The following ULK4 variants were observed in gnomAD, a reference collection of about 807,000 sequenced individuals.
ULK4 encodes the protein inactive serine/threonine-protein kinase ULK4.
In ULK4, 133 loss-of-function variants were observed where a neutral mutation model predicts 160.6. That is an observed-to-expected ratio of 0.83 (90% CI 0.72 to 0.96). The LOEUF (loss-of-function observed/expected upper bound fraction) is 0.96, where lower values mean the gene tolerates loss of function less well. Ranked by LOEUF, ULK4 falls within the 40% of genes least tolerant of loss-of-function variation. ULK4 has a pLI of 0.00. For missense variants in ULK4, 1,580 were observed against 1,499.5 expected (o/e 1.05, Z -0.89); for synonymous variants, 534 against 539.8 (o/e 0.99, Z 0.15).
chr3:41,916,547 CCTGA>C (rs10541304), intron 7 of ULK4, among the ~76,000 whole-genome samples: 4,374 of 152,090 alleles, frequency 0.029, 203 homozygotes, highest in African/African-American at 0.1. Context: ...CACTACCATG[CCTGA>C]CTAATTTTTG....
At position 41,575,864 on chromosome 3, in the gene ULK4, CTT is replaced by C. The variant is rs1285166400; in HGVS notation, c.3121-9736_3121-9735del. 5.2e-3 allele frequency among the ~76,000 whole-genome samples: 154 copies of C among 29,896 alleles called. 1 individual carries two copies. The Middle Eastern group carries it at 0.16, about 30-fold the overall frequency. 19.6% of individuals were successfully genotyped at this position (29,896 alleles called of 152,430 possible). A position where few individuals can be genotyped will look rare whatever the true frequency, so the allele number is the denominator to read the frequency against. On this transcript the variant is annotated intron_variant, in intron 31 of 36. Transcript: ENST00000301831. ...ATGTTATTTAGGCTTTAGCAGGAAG[CTT>C]CCATCCATCCTCTTGGCTCTCAATG... is the stretch of plus-strand genomic sequence containing the variant.
intron 17 of ULK4, among the ~76,000 whole-genome samples, chr3:41,860,789 C>T (rs1308072034): frequency 1.3e-5 from 2 of 148,512 alleles, no homozygotes; most frequent in Non-Finnish European, 3.0e-5. Flanking sequence ...TTGTGATCTT[C>T]TCTTCCTTCT....
rs1168249382 is a variant in ULK4, at chr3:41,300,836, A to ATT, written c.3679-51264_3679-51263dup. On this transcript the variant is annotated intron_variant, in intron 35 of 36. Transcript: ENST00000301831. ...TGATTAAATTTTGATCATTTTACAGATTATATATATATATATATATATATA... is the reference window on the plus strand; with the variant it reads ...TGATTAAATTTTGATCATTTTACAGATTTTATATATATATATATATATATATA... Among the ~76,000 whole-genome samples the ATT allele has an allele frequency of 2.3e-4, 18 of 79,460 alleles. 1 individual carries two copies. Among genetic ancestry groups the ATT allele is most frequent in the African/African-American group, 9.2e-4 (17 of 18,546 alleles). 52.1% of individuals were successfully genotyped at this position (79,460 alleles called of 152,430 possible). A position where few individuals can be genotyped will look rare whatever the true frequency, so the allele number is the denominator to read the frequency against.
intron 32 of ULK4, among the ~76,000 whole-genome samples, chr3:41,479,708 C>T (rs773148466): frequency 1.3e-5 from 2 of 152,086 alleles, no homozygotes; most frequent in Non-Finnish European, 2.9e-5. Context: ...AGTAGAGAGA[C>T]GTGGCATGCA....
chr3:41,952,835 C>T lies in ULK4; in HGVS notation c.138+1787G>A, dbSNP rs547795682. The stretch of plus-strand genomic sequence containing the variant: ...TTGTGTCCACTGTTACATAAATAAG[C>T]AAAATGCGCTTTATATATGTACAAT... On this transcript the variant is annotated intron_variant, in intron 2 of 36. Coordinates refer to ENST00000301831, the MANE Select transcript of ULK4 (RefSeq NM_017886.4). 6.6e-5 allele frequency among the ~76,000 whole-genome samples: 10 copies of T among 152,154 alleles called. No individual in the cohort carries two copies. The South Asian group carries it at 2.1e-3, about 32-fold the overall frequency.
At chr3:41,309,313 C>T (rs1231936146) in intron 35 of ULK4, among the ~76,000 whole-genome samples, 2 of 151,856 alleles carry the variant, frequency 1.3e-5, no homozygotes, top group Admixed American at 1.3e-4. Context: ...AACTGTAGAA[C>T]AACAAAGATA....
chr3:41,466,341 A>C (rs1046812488), intron 32 of ULK4, among the ~76,000 whole-genome samples: 5 of 152,156 alleles, frequency 3.3e-5, no homozygotes, highest in African/African-American at 1.2e-4. Context: ...AAGAAAAATG[A>C]GTTCATACAG....
At chr3:41,455,880 T>C (rs1396031554) in intron 33 of ULK4, among the ~76,000 whole-genome samples, 1 of 152,138 alleles carries the variant, frequency 6.6e-6, no homozygotes, top group Non-Finnish European at 1.5e-5. Context: ...ATAATGGTGA[T>C]GTCCCATATA....
At chr3:41,775,201 C>T (rs1575687716) in intron 21 of ULK4, among the ~76,000 whole-genome samples, 3 of 149,554 alleles carry the variant, frequency 2.0e-5, no homozygotes, top group South Asian at 4.2e-4. Flanking sequence ...TGCACATGTA[C>T]CCTAAAAGTA....
intron 34 of ULK4, among the ~76,000 whole-genome samples, chr3:41,409,107 T>A (rs947711988): frequency 6.6e-6 from 1 of 151,818 alleles, no homozygotes; most frequent in African/African-American, 2.4e-5. Context: ...AATACAAAAA[T>A]TAGCCAGACA....
chr3:41,511,908 G>A (rs2085591245), intron 32 of ULK4, among the ~76,000 whole-genome samples: 1 of 152,084 alleles, frequency 6.6e-6, no homozygotes, highest in African/African-American at 2.4e-5. Context: ...CAATCCAACA[G>A]TGTATCAAAA....
At chr3:41,494,605 A>T (rs1338572378) in intron 32 of ULK4, among the ~76,000 whole-genome samples, 1 of 152,130 alleles carries the variant, frequency 6.6e-6, no homozygotes, top group Non-Finnish European at 1.5e-5. Context: ...GAAGGAAATA[A>T]AGGGCATTCA....
intron 16 of ULK4, among the ~76,000 whole-genome samples, chr3:41,891,750 C>T (rs1304156423): frequency 6.6e-6 from 1 of 152,016 alleles, no homozygotes; most frequent in South Asian, 2.1e-4. Flanking sequence ...TACAAAAATA[C>T]AAAAATTAGC....
chr3:41,323,619 G>C (rs2080287671), intron 35 of ULK4, among the ~76,000 whole-genome samples: 1 of 152,044 alleles, frequency 6.6e-6, no homozygotes, highest in Non-Finnish European at 1.5e-5. Flanking sequence ...CTGGCCAGGA[G>C]CTGATCCAGG....
chr3:41,632,915 G>A (rs566002758), intron 30 of ULK4, among the ~76,000 whole-genome samples: 2 of 152,144 alleles, frequency 1.3e-5, no homozygotes, highest in African/African-American at 2.4e-5. Context: ...GTTCAGCAAA[G>A]GAGCAGGTTT....
chr3:41,613,822 T>A (rs557730968), intron 31 of ULK4, among the ~76,000 whole-genome samples: 33 of 152,352 alleles, frequency 2.2e-4, no homozygotes, highest in Admixed American at 4.6e-4. Flanking sequence ...TAATGTCCTA[T>A]AAGAAATCTG....
At chr3:41,829,967 T>C (rs2041519269) in intron 18 of ULK4, among the ~76,000 whole-genome samples, 2 of 151,748 alleles carry the variant, frequency 1.3e-5, no homozygotes, top group Non-Finnish European at 2.9e-5. Flanking sequence ...TATGCAGCCA[T>C]AAAAAATGAT....
intron 35 of ULK4, among the ~76,000 whole-genome samples, chr3:41,290,301 T>C (rs2079536259): frequency 6.6e-6 from 1 of 152,234 alleles, no homozygotes; most frequent in African/African-American, 2.4e-5. Flanking sequence ...CCAGGCACTT[T>C]ATGTATATTA....
chr3:41,521,977 G>A lies in ULK4; in HGVS notation c.3226+44048C>T, dbSNP rs560065674. Among the ~76,000 whole-genome samples the A allele has an allele frequency of 7.2e-5, 11 of 152,140 alleles. No individual in the cohort carries two copies. In the East Asian group the frequency reaches 1.2e-3, roughly 16 times the overall value. ...GATAGCTTCAAAAAAGGATCTTTCC[G>A]TAGCTCTTTGTGGTTTTTATAGGAT... is the stretch of plus-strand genomic sequence containing the variant. On this transcript the variant is annotated intron_variant, in intron 32 of 36. Coordinates refer to ENST00000301831, the MANE Select transcript of ULK4 (RefSeq NM_017886.4).
Sources: allele counts gnomAD v4.1 joint callset (sites outside exome capture counted in the v4.1 genomes callset), GRCh38; gene constraint gnomAD v4.1.1; transcripts MANE v1.5; gene names NCBI Gene and HGNC (gene_info 2026-07-23, HGNC 2026-07-21).